GTF2A1L: variants seen among roughly 807,000 people sequenced by gnomAD.
GTF2A1L encodes general transcription factor IIA subunit 1 like, also known as TFIIA-alpha and beta-like factor.
Under a neutral mutation model 49.7 loss-of-function variants are expected in GTF2A1L, and 48 were observed. That is an observed-to-expected ratio of 0.97 (90% CI 0.77 to 1.23). The LOEUF (loss-of-function observed/expected upper bound fraction) is 1.23, where lower values mean the gene tolerates loss of function less well. GTF2A1L is among the 50% of genes most tolerant of loss of function. The probability of loss-of-function intolerance (pLI) is 0.00; values close to 1 mark genes in which losing one functional copy is unlikely to be tolerated. For synonymous variants in GTF2A1L, 246 were observed against 193.5 expected, an observed-to-expected ratio of 1.27 and a Z score of -2.25; for missense variants, 736 against 564.8, an observed-to-expected ratio of 1.30 and a Z score of -3.07.
At chr2:48,618,992 CTG>C (rs1175670880) in intron 1 of GTF2A1L, among the ~76,000 whole-genome samples, 1 of 152,192 alleles carries the variant, frequency 6.6e-6, no homozygotes, top group African/African-American at 2.4e-5. Flanking sequence ...GGGACTACCA[CTG>C]AAGCATCAAT....
At chr2:48,666,723 C>G (rs1678865769) in intron 6 of GTF2A1L, among the ~76,000 whole-genome samples, 1 of 151,936 alleles carries the variant, frequency 6.6e-6, no homozygotes, top group South Asian at 2.1e-4. Flanking sequence ...AATTTTTACT[C>G]TCATATTGTG....
intron 6 of GTF2A1L, among the ~76,000 whole-genome samples, chr2:48,650,234 G>C (rs1170476762): frequency 6.6e-6 from 1 of 152,034 alleles, no homozygotes; most frequent in East Asian, 1.9e-4. Context: ...AGCTTTTAAG[G>C]ATAGGATCTA....
At chr2:48,651,023 G>T (rs935195055) in intron 6 of GTF2A1L, among the ~76,000 whole-genome samples, 9 of 152,244 alleles carry the variant, frequency 5.9e-5, no homozygotes, top group Admixed American at 5.2e-4. Flanking sequence ...GGAAAATAGG[G>T]TTCTTTCATT....
chr2:48,652,516 G>T (rs898339397), intron 6 of GTF2A1L, among the ~76,000 whole-genome samples: 1 of 151,076 alleles, frequency 6.6e-6, no homozygotes, highest in African/African-American at 2.4e-5. Flanking sequence ...CTCGGGATCT[G>T]AGGCAAGAGA....
intron 6 of GTF2A1L, among the ~76,000 whole-genome samples, chr2:48,650,384 A>G (rs192985483): frequency 5.8e-4 from 88 of 152,302 alleles, no homozygotes; most frequent in Middle Eastern, 3.4e-3. Flanking sequence ...AATATTTAAG[A>G]GCTTCTGGAG....
intron 5 of GTF2A1L, among the ~76,000 whole-genome samples, chr2:48,645,431 C>A (rs1043393031): frequency 2.6e-5 from 4 of 152,118 alleles, no homozygotes; most frequent in Non-Finnish European, 4.4e-5. Flanking sequence ...AAATAACTTA[C>A]CTGCATTCCT....
chr2:48,630,116 T>C (rs1171659967), intron 3 of GTF2A1L, among the ~76,000 whole-genome samples: 3 of 144,490 alleles, frequency 2.1e-5, no homozygotes, highest in African/African-American at 7.4e-5. Context: ...GTTGGTTCCA[T>C]ATGAATTTTA....
At chr2:48,673,084 G>T (rs75335901) in intron 8 of GTF2A1L, among the ~76,000 whole-genome samples, 2,756 of 152,224 alleles carry the variant, frequency 0.018, 35 homozygotes, top group Non-Finnish European at 0.027. Flanking sequence ...ACTTAGCACA[G>T]TGTTTTCAAG....
chr2:48,644,885 A>T (rs1677410014), intron 4 of GTF2A1L, 148 bp from the exon 5 acceptor site: 3 of 632,342 alleles, frequency 4.7e-6, no homozygotes, highest in Non-Finnish European at 7.7e-6. Flanking sequence ...AAACTATTTT[A>T]TTCAAAGAAC....
chr2:48,672,556 T>C (rs898191326), intron 8 of GTF2A1L, among the ~76,000 whole-genome samples: 5 of 152,144 alleles, frequency 3.3e-5, no homozygotes, highest in African/African-American at 1.2e-4. Flanking sequence ...TGTAAGAACA[T>C]GGAGAAGTCA....
Position 48,620,854 on chromosome 2 carries a change from A to C in GTF2A1L, c.25A>C (p.Lys9Gln), listed in dbSNP as rs778578710. ...TTTAACAATTGCTTTTATGTAGCCT[A>C]AACTCTACAGATCTGTAATTGAAGA... is the stretch of plus-strand genomic sequence containing the variant. The part of the protein sequence containing the change: MACLNPVP[K>Q]LYRSVIEDVI... Residue 9 changes from lysine to glutamine, a missense_variant, in exon 2 of 9, where the codon AAA becomes CAA. Lys to Gln is a moderately conservative substitution (Grantham distance 53). Transcript: ENST00000403751. 2 of 1,495,854 alleles carry C rather than the reference A, an allele frequency of 1.3e-6. No individual in the cohort carries two copies. Among genetic ancestry groups the C allele is most frequent in the African/African-American group, 1.4e-5 (1 of 70,510 alleles). The allele number at this position is 1,495,854 out of a possible 1,614,324, so 92.7% of individuals were successfully genotyped here. A position where few individuals can be genotyped will look rare whatever the true frequency, so the allele number is the denominator to read the frequency against.
At position 48,625,736 on chromosome 2, in the gene GTF2A1L, T is replaced by C. The variant is rs568647336; in HGVS notation, c.247+4446T>C. 1.3e-4 allele frequency among the ~76,000 whole-genome samples: 18 copies of C among 142,836 alleles called. 3 individuals carry two copies. The highest frequency in any genetic ancestry group is 1.9e-4 in the Non-Finnish European group (12 of 63,580). The allele number at this position is 142,836 out of a possible 152,430, so 93.7% of individuals were successfully genotyped here. A position where few individuals can be genotyped will look rare whatever the true frequency, so the allele number is the denominator to read the frequency against. The stretch of plus-strand genomic sequence containing the variant: ...TAACTGGGACTACAGGCATACTCTA[T>C]CATGCCTGGCTAATTTTCACATTTT... On this transcript the variant is annotated intron_variant, in intron 3 of 8. Coordinates refer to ENST00000403751, the MANE Select transcript of GTF2A1L (RefSeq NM_006872.5).
At chr2:48,631,281 T>C (rs557671959) in intron 3 of GTF2A1L, among the ~76,000 whole-genome samples, 3 of 152,266 alleles carry the variant, frequency 2.0e-5, no homozygotes, top group African/African-American at 7.2e-5. Flanking sequence ...GTAGGTTTTT[T>C]ATTACTAATT....
At chr2:48,654,354 A>G (rs1325500086) in intron 6 of GTF2A1L, among the ~76,000 whole-genome samples, 2 of 152,012 alleles carry the variant, frequency 1.3e-5, no homozygotes, top group Non-Finnish European at 2.9e-5. Flanking sequence ...TAGGCCTGTG[A>G]TCTATTCTGG....
Position 48,669,830 on chromosome 2 carries a change from A to C in GTF2A1L, c.1087A>C (p.Ser363Arg). 6.2e-7 allele frequency: 1 copy of C among 1,614,064 alleles called. No individual in the cohort carries two copies. The highest frequency in any genetic ancestry group is 8.5e-7 in the Non-Finnish European group (1 of 1,179,986). ...TACATCTTCCAATGAAGAAATAGGA[A>C]GTACAAGAGATGCAGATGAGAATGA... ...GDTSSNEEIG[S>R]TRDADENEFL... The change falls in exon 7 of 9, where the codon AGT (serine) becomes CGT (arginine). Residue 363 changes from serine to arginine, a missense_variant. Transcript: ENST00000403751.
At chr2:48,656,976 T>G (rs1412882510) in intron 6 of GTF2A1L, among the ~76,000 whole-genome samples, 1 of 152,244 alleles carries the variant, frequency 6.6e-6, no homozygotes, top group Non-Finnish European at 1.5e-5. Context: ...AATGGTCTTG[T>G]TACCCTTATG....
Position 48,660,311 on chromosome 2 carries a change from T to C in GTF2A1L, c.979-9411T>C, listed in dbSNP as rs147884971. On this transcript the variant is annotated intron_variant, in intron 6 of 8. Coordinates refer to ENST00000403751, the MANE Select transcript of GTF2A1L (RefSeq NM_006872.5). Reference sequence around the variant, plus strand: ...GCCTCATAAAATAAGTTTGGAGATATTTTGTTCTTCCATTTTTTGGAAGAG... The same window carrying C: ...GCCTCATAAAATAAGTTTGGAGATACTTTGTTCTTCCATTTTTTGGAAGAG... 1.9e-4 allele frequency among the ~76,000 whole-genome samples: 29 copies of C among 152,260 alleles called. No individual in the cohort carries two copies. In the East Asian group the frequency reaches 4.8e-3, roughly 25 times the overall value.
At position 48,676,362 on chromosome 2, in the gene GTF2A1L, G is replaced by T. The variant is rs548002793; in HGVS notation, c.1330-2973G>T. On this transcript the variant is annotated intron_variant, in intron 8 of 8. Coordinates refer to ENST00000403751, the MANE Select transcript of GTF2A1L (RefSeq NM_006872.5). ...TGCAGATATATCTATTAAATCCCCA[G>T]AAATGGGATTCTGGGTCAAAGGGCA... Among the ~76,000 whole-genome samples, 18 of 151,832 alleles carry T rather than the reference G, an allele frequency of 1.2e-4. 2 individuals carry two copies. The highest frequency in any genetic ancestry group is 4.3e-4 in the African/African-American group (18 of 41,500).
intron 8 of GTF2A1L, among the ~76,000 whole-genome samples, chr2:48,678,894 T>G (rs1476172875): frequency 6.6e-6 from 1 of 152,040 alleles, no homozygotes; most frequent in Non-Finnish European, 1.5e-5. Context: ...TCCTTTTATC[T>G]GGAATGCTCC....
Sources: allele counts gnomAD v4.1 joint callset (sites outside exome capture counted in the v4.1 genomes callset), GRCh38; gene constraint gnomAD v4.1.1; transcripts MANE v1.5; gene names NCBI Gene and HGNC (gene_info 2026-07-23, HGNC 2026-07-21).